The following GRIK1 variants were observed in gnomAD, a reference collection of about 807,000 sequenced individuals.
GRIK1 encodes the protein glutamate ionotropic receptor kainate type subunit 1.
Under a neutral mutation model 105.7 loss-of-function variants are expected in GRIK1, and 69 were observed. The observed-to-expected ratio is 0.65, with a 90% CI of 0.54 to 0.80. GRIK1 has a LOEUF of 0.80. Among genes scored for constraint, GRIK1 ranks in the 30% least tolerant of loss-of-function variants. The pLI is 0.00. For missense variants in GRIK1, 1,109 were observed against 1,167.3 expected, an observed-to-expected ratio of 0.95 and a Z score of 0.73; for synonymous variants, 438 against 431.3, an observed-to-expected ratio of 1.02 and a Z score of -0.19.
chr21:29,890,987 G>T (rs2069876383), intron 1 of GRIK1, among the ~76,000 whole-genome samples: 2 of 152,140 alleles, frequency 1.3e-5, no homozygotes, highest in Non-Finnish European at 2.9e-5. Flanking sequence ...AGCTAATACT[G>T]AGGAGACTAG....
rs951382105 is a variant in GRIK1 at position 29,542,379 on chromosome 21, T to G, written c.2608-4495A>C. Among the ~76,000 whole-genome samples, 6 of 71,566 alleles carry G rather than the reference T, an allele frequency of 8.4e-5. No homozygotes were observed. The Admixed American group carries it at 1.2e-3, about 14-fold the overall frequency. 47.0% of individuals were successfully genotyped at this position (71,566 alleles called of 152,430 possible). A position where few individuals can be genotyped will look rare whatever the true frequency, so the allele number is the denominator to read the frequency against. Reference sequence around the variant, plus strand: ...CTTGAAGCTTGTGTGAGCCTGAATATAAATTATATCTTCTCTTTACACCTT... The same window carrying G: ...CTTGAAGCTTGTGTGAGCCTGAATAGAAATTATATCTTCTCTTTACACCTT... On this transcript the variant is annotated intron_variant, in intron 16 of 17. Transcript: ENST00000327783.
At chr21:29,787,300 T>C (rs2066284418) in intron 1 of GRIK1, among the ~76,000 whole-genome samples, 1 of 152,206 alleles carries the variant, frequency 6.6e-6, no homozygotes, top group Non-Finnish European at 1.5e-5. Context: ...AGTCTCTCCT[T>C]TTCAAAGATA....
intron 6 of GRIK1, among the ~76,000 whole-genome samples, chr21:29,646,601 A>C (rs565660461): frequency 1.3e-5 from 2 of 152,280 alleles, no homozygotes; most frequent in East Asian, 3.9e-4. Context: ...TGACGACACT[A>C]TATGGCCTTA....
chr21:29,696,674 G>A (rs1439159171), intron 1 of GRIK1, among the ~76,000 whole-genome samples: 3 of 152,210 alleles, frequency 2.0e-5, no homozygotes, highest in African/African-American at 4.8e-5. Flanking sequence ...GCCCCACAGG[G>A]AGAGCCCGCA....
At chr21:29,711,610 A>C (rs975382453) in intron 1 of GRIK1, among the ~76,000 whole-genome samples, 2 of 152,074 alleles carry the variant, frequency 1.3e-5, no homozygotes, top group Admixed American at 1.3e-4. Flanking sequence ...CATGCAATCT[A>C]TACTTTCTGT....
intron 1 of GRIK1, among the ~76,000 whole-genome samples, chr21:29,870,349 T>A (rs1019233135): frequency 6.6e-6 from 1 of 152,100 alleles, no homozygotes; most frequent in Non-Finnish European, 1.5e-5. Flanking sequence ...GGAACAAGAT[T>A]TTCAATTTGC....
chr21:29,903,433 C>T (rs998663147), intron 1 of GRIK1, among the ~76,000 whole-genome samples: 1 of 151,940 alleles, frequency 6.6e-6, no homozygotes, highest in African/African-American at 2.4e-5. Flanking sequence ...AACAAATTTA[C>T]AAGAAAAAAA....
rs538161186 is a variant in GRIK1 at position 29,924,842 on chromosome 21, T to G, written c.118+14541A>C. Among the ~76,000 whole-genome samples, 5 of 152,320 alleles carry G rather than the reference T, an allele frequency of 3.3e-5. No individual in the cohort carries two copies. The South Asian group carries it at 8.3e-4, about 25-fold the overall frequency. Reference sequence around the variant, plus strand: ...TTCATAGAAGGACCTCATTCTTACCTTCTAATGTTTATGGATCTGGCTCTA... The same window carrying G: ...TTCATAGAAGGACCTCATTCTTACCGTCTAATGTTTATGGATCTGGCTCTA... On this transcript the variant is annotated intron_variant, in intron 1 of 17. Coordinates refer to ENST00000327783, the MANE Select transcript of GRIK1 (RefSeq NM_001330994.2).
chr21:29,656,230 C>T (rs970664143), intron 4 of GRIK1, among the ~76,000 whole-genome samples: 2 of 150,892 alleles, frequency 1.3e-5, no homozygotes, highest in Admixed American at 6.6e-5. Flanking sequence ...GGCGTGGTGG[C>T]GGGTGCCTGT....
chr21:29,604,455 A>G (rs1347281738), intron 7 of GRIK1, among the ~76,000 whole-genome samples: 1 of 152,134 alleles, frequency 6.6e-6, no homozygotes, highest in Non-Finnish European at 1.5e-5. Context: ...ATTGTTGATA[A>G]GCATTTATTA....
At chr21:29,620,157 A>T (rs1322266008) in intron 7 of GRIK1, among the ~76,000 whole-genome samples, 1 of 152,232 alleles carries the variant, frequency 6.6e-6, no homozygotes, top group Non-Finnish European at 1.5e-5. Context: ...GTAATTTAGG[A>T]TGTGTAACTG....
At chr21:29,860,932 AT>A in intron 1 of GRIK1, among the ~76,000 whole-genome samples, 1 of 152,262 alleles carries the variant, frequency 6.6e-6, no homozygotes, top group Admixed American at 6.5e-5. Flanking sequence ...ACTATCACAT[AT>A]TGGAAATGAT....
chr21:29,651,249 C>T lies in GRIK1; in HGVS notation c.823G>A (p.Val275Ile), dbSNP rs201996873. ...AGCAGCCGAAACCCGGTCATGTTTA[C>T]GCCACTGTACCTATAGAGTTCCAGA... ...LDLELYRYSG[V>I]NMTGFRLLNI... The change falls in exon 6 of 18, where the codon GTA (valine) becomes ATA (isoleucine). Residue 275 changes from valine (V) to isoleucine (I), a missense_variant. Transcript: ENST00000327783. 9.2e-5 allele frequency: 148 copies of T among 1,613,298 alleles called. No homozygotes were observed. The highest frequency in any genetic ancestry group is 8.3e-5 in the Admixed American group (5 of 60,000).
intron 1 of GRIK1, among the ~76,000 whole-genome samples, chr21:29,747,480 C>T (rs1006069367): frequency 1.3e-5 from 2 of 151,842 alleles, no homozygotes; most frequent in East Asian, 1.9e-4. Flanking sequence ...TGAGAAGAGG[C>T]GAAGGCAGAA....
intron 1 of GRIK1, among the ~76,000 whole-genome samples, chr21:29,889,585 A>G (rs943250474): frequency 3.3e-5 from 5 of 151,994 alleles, no homozygotes; most frequent in African/African-American, 1.2e-4. Flanking sequence ...ATATTAAATG[A>G]CATTGCACCC....
In GRIK1 at chr21:29,560,375, TCC is replaced by T. The variant is rs1158517763; in HGVS notation, c.2356+1247_2356+1248del. On this transcript the variant is annotated intron_variant, in intron 15 of 17. Transcript: ENST00000327783. ...TCTTTCTTTTTCTTTCTTCCTTCCT[TCC>T]TTCCTTCCTTCCTTCCTTCCTTCCT... is the stretch of plus-strand genomic sequence containing the variant. Among the ~76,000 whole-genome samples, 10 of 55,520 alleles carry T rather than the reference TCC, an allele frequency of 1.8e-4. 1 individual carries two copies. The highest frequency in any genetic ancestry group is 3.3e-4 in the Non-Finnish European group (10 of 30,020). The allele number at this position is 55,520 out of a possible 152,430, so 36.4% of individuals were successfully genotyped here.
chr21:29,864,827 C>T (rs1349312515), intron 1 of GRIK1, among the ~76,000 whole-genome samples: 1 of 152,164 alleles, frequency 6.6e-6, no homozygotes, highest in East Asian at 1.9e-4. Flanking sequence ...CTTTACCATA[C>T]AGGAAGCTCT....
At chr21:29,809,163 A>G (rs1601751335) in intron 1 of GRIK1, among the ~76,000 whole-genome samples, 1 of 152,206 alleles carries the variant, frequency 6.6e-6, no homozygotes, top group East Asian at 1.9e-4. Flanking sequence ...TCTAATATTT[A>G]AAAGCAATGA....
At position 29,542,037 on chromosome 21, in the gene GRIK1, GTGTGT is replaced by G. The variant is rs1472530513; in HGVS notation, c.2608-4158_2608-4154del. ...ATTATCCAAAAATAATGTAGAGTGTGTGTGTGTGTGTGTGTGTGACCTTTCCTTTA... is the reference window on the plus strand; with the variant it reads ...ATTATCCAAAAATAATGTAGAGTGTGGTGTGTGTGTGTGACCTTTCCTTTA... On this transcript the variant is annotated intron_variant, in intron 16 of 17. Coordinates refer to ENST00000327783, the MANE Select transcript of GRIK1 (RefSeq NM_001330994.2). Among the ~76,000 whole-genome samples, 9 of 29,922 alleles carry G rather than the reference GTGTGT, an allele frequency of 3.0e-4. No individual in the cohort carries two copies. In the East Asian group the frequency reaches 0.012, roughly 40 times the overall value. The allele number at this position is 29,922 out of a possible 152,430, so 19.6% of individuals were successfully genotyped here.
Sources: gnomAD v4.1 joint callset for allele counts (sites outside exome capture counted in the v4.1 genomes callset) on GRCh38, gnomAD v4.1.1 for gene constraint, MANE v1.5 for transcripts, NCBI Gene and HGNC (gene_info 2026-07-23, HGNC 2026-07-21) for gene names.